The following BRAF variants were observed in gnomAD, a reference collection of about 807,000 sequenced individuals.
BRAF encodes the protein B-Raf proto-oncogene, serine/threonine kinase.
A neutral mutation model predicts 104.6 loss-of-function variants in BRAF; 16 were observed. The observed-to-expected ratio is 0.15, with a 90% CI of 0.10 to 0.23. BRAF has a LOEUF of 0.23. Among genes scored for constraint, BRAF ranks in the 10% least tolerant of loss-of-function variants. The pLI is 1.00. For synonymous variants in BRAF, 310 were observed against 341.6 expected (o/e 0.91, Z 1.02); for missense variants, 541 against 937.3 (o/e 0.58, Z 5.52).
At chr7:140,903,951 T>G (rs1815983687) in intron 1 of BRAF, among the ~76,000 whole-genome samples, 1 of 152,202 alleles carries the variant, frequency 6.6e-6, no homozygotes, top group African/African-American at 2.4e-5. Context: ...GGAAGTTACT[T>G]CTTATGGATG....
intron 3 of BRAF, among the ~76,000 whole-genome samples, chr7:140,827,607 G>A (rs1210426619): frequency 6.6e-6 from 1 of 152,194 alleles, no homozygotes; most frequent in Non-Finnish European, 1.5e-5. Context: ...CTTTATGTGA[G>A]AATCTGGGTT....
intron 7 of BRAF, chr7:140,800,114 G>T: frequency 1.9e-6 from 1 of 540,406 alleles, no homozygotes; most frequent in Non-Finnish European, 3.3e-6. Context: ...GCATGTCACT[G>T]AAGAGCAGAA....
intron 1 of BRAF, among the ~76,000 whole-genome samples, chr7:140,895,886 G>A (rs1025812275): frequency 6.6e-6 from 1 of 152,004 alleles, no homozygotes; most frequent in African/African-American, 2.4e-5. Context: ...GTAAACATGG[G>A]GATGCAAATG....
rs2129023507 is a variant in BRAF, at chr7:140,781,592, G to A, written c.1536C>T (p.Tyr512=). The A allele has an allele frequency of 1.2e-6, 2 of 1,613,696 alleles. No homozygotes were observed. Among genetic ancestry groups the A allele is most frequent in the Non-Finnish European group, 1.7e-6 (2 of 1,179,720 alleles). ...RIGSGSFGTV[Y]KGKWHGDVAV... is the part of the protein sequence containing the mutation. ...CATACTTACCATGCCACTTTCCCTTGTAGACTGTTCCAAATGATCCAGATC... is the reference window on the plus strand; with the variant it reads ...CATACTTACCATGCCACTTTCCCTTATAGACTGTTCCAAATGATCCAGATC... The change falls in exon 12 of 20, where the codon TAC becomes TAT. Residue 512 remains tyrosine (Y), a synonymous_variant. Transcript: ENST00000644969.
intron 2 of BRAF, among the ~76,000 whole-genome samples, chr7:140,848,260 C>T (rs993581952): frequency 3.3e-5 from 5 of 152,184 alleles, no homozygotes; most frequent in African/African-American, 1.2e-4. Flanking sequence ...ATCAAGAACA[C>T]AGATTTCTGA....
At chr7:140,895,659 TAA>T (rs987141462) in intron 1 of BRAF, among the ~76,000 whole-genome samples, 6 of 152,202 alleles carry the variant, frequency 3.9e-5, no homozygotes, top group African/African-American at 1.2e-4. Flanking sequence ...AGCTTCCACA[TAA>T]GAGTGAGAAC....
intron 3 of BRAF, among the ~76,000 whole-genome samples, chr7:140,824,652 GAA>G (rs113849057): frequency 7.8e-6 from 1 of 127,626 alleles, no homozygotes. Context: ...TATTTCTGAG[GAA>G]AAAAAAAAAA....
Position 140,726,049 on chromosome 7 carries a change from GA to G in BRAF, c.*444del. 9.3e-7 allele frequency: 1 copy of G among 1,072,738 alleles called. No individual in the cohort carries two copies. Among genetic ancestry groups the G allele is most frequent in the Non-Finnish European group, 1.1e-6 (1 of 884,534 alleles). The allele number at this position is 1,072,738 out of a possible 1,614,324, so 66.5% of individuals were successfully genotyped here. Reference sequence around the variant, plus strand: ...GAAAGAGCTCCAAAACAAAATTCCAGAACAGGAAAGAGAACGATGCTTGGTG... The same window carrying G: ...GAAAGAGCTCCAAAACAAAATTCCAGACAGGAAAGAGAACGATGCTTGGTG... On this transcript the variant is annotated 3_prime_UTR_variant, in exon 20 of 20. Transcript: ENST00000644969.
At chr7:140,746,864 A>G (rs1797394788) in intron 17 of BRAF, among the ~76,000 whole-genome samples, 1 of 151,452 alleles carries the variant, frequency 6.6e-6, no homozygotes, top group Non-Finnish European at 1.5e-5. Context: ...AAAAAAAAAG[A>G]TACCCAGAGA....
At chr7:140,884,321 CAG>C (rs890947673) in intron 1 of BRAF, 1 of 151,634 alleles carries the variant, frequency 6.6e-6, no homozygotes, top group African/African-American at 2.4e-5. Context: ...AAGTGTTTAA[CAG>C]AGACATAAGA....
intron 1 of BRAF, among the ~76,000 whole-genome samples, chr7:140,852,462 T>C (rs1562995687): frequency 6.6e-6 from 1 of 151,076 alleles, no homozygotes; most frequent in Non-Finnish European, 1.5e-5. Context: ...CCATCTCAGA[T>C]CTACTGAACT....
intron 14 of BRAF, among the ~76,000 whole-genome samples, chr7:140,772,133 G>A (rs566346493): frequency 6.6e-6 from 1 of 152,198 alleles, no homozygotes; most frequent in East Asian, 1.9e-4. Flanking sequence ...TGAAATGAGT[G>A]ACCAGAAGTC....
At chr7:140,922,651 G>A (rs545441759) in intron 1 of BRAF, among the ~76,000 whole-genome samples, 18 of 152,144 alleles carry the variant, frequency 1.2e-4, no homozygotes, top group Non-Finnish European at 2.1e-4. Flanking sequence ...AAAATCCAGA[G>A]GCACCTGTGC....
intron 19 of BRAF, chr7:140,730,852 G>C (rs1427644702): frequency 3.3e-5 from 5 of 152,002 alleles, no homozygotes; most frequent in African/African-American, 9.7e-5. Context: ...TATTTTAATG[G>C]GCATTATACA....
In BRAF at chr7:140,740,056, T is replaced by G; in HGVS notation, c.2113-110A>C. ...CTGTACATTTACAGCTTACGATGTA[T>G]GTATTACACCTCAATAAAAAGTTTT... On this transcript the variant is annotated intron_variant, in intron 17 of 19. Transcript: ENST00000644969. 4.2e-6 allele frequency: 5 copies of G among 1,188,486 alleles called. 1 individual carries two copies. The South Asian group carries it at 6.7e-5, about 16-fold the overall frequency. The allele number at this position is 1,188,486 out of a possible 1,614,324, so 73.6% of individuals were successfully genotyped here.
intron 5 of BRAF, among the ~76,000 whole-genome samples, 175 bp from the exon 6 acceptor site, chr7:140,801,735 T>C (rs1803137637): frequency 1.3e-5 from 2 of 152,164 alleles, no homozygotes. Flanking sequence ...ATAGATGGAC[T>C]ACACATATTT....
At chr7:140,880,243 T>C (rs1489150615) in intron 1 of BRAF, among the ~76,000 whole-genome samples, 1 of 152,220 alleles carries the variant, frequency 6.6e-6, no homozygotes, top group Non-Finnish European at 1.5e-5. Context: ...ATTTTATCAG[T>C]GTTCACAGCA....
At chr7:140,737,765 G>C (rs1442274803) in intron 18 of BRAF, among the ~76,000 whole-genome samples, 1 of 152,062 alleles carries the variant, frequency 6.6e-6, no homozygotes, top group Non-Finnish European at 1.5e-5. Flanking sequence ...TAAAATTTAT[G>C]TGGCATATAA....
intron 2 of BRAF, 146 bp from the exon 3 acceptor site, chr7:140,835,018 C>A: frequency 1.2e-6 from 1 of 820,708 alleles, no homozygotes; most frequent in Admixed American, 2.3e-5. Flanking sequence ...GCCAGAAATA[C>A]TATAAATGAA....
Sources: gnomAD v4.1 joint callset for allele counts (sites outside exome capture counted in the v4.1 genomes callset) on GRCh38, gnomAD v4.1.1 for gene constraint, MANE v1.5 for transcripts, NCBI Gene and HGNC (gene_info 2026-07-23, HGNC 2026-07-21) for gene names.